MTMR3: variants seen among roughly 807,000 people sequenced by gnomAD.
MTMR3 encodes the protein myotubularin related protein 3.
Under a neutral mutation model 132.4 loss-of-function variants are expected in MTMR3, and 32 were observed. That is an observed-to-expected ratio of 0.24 (90% CI 0.18 to 0.32). The LOEUF is 0.32. MTMR3 is among the 10% of genes least tolerant of loss of function. The pLI is 1.00. For missense variants in MTMR3, 1,216 were observed against 1,489.6 expected (o/e 0.82, Z 3.02); for synonymous variants, 556 against 550.3 (o/e 1.01, Z -0.14).
intron 3 of MTMR3, among the ~76,000 whole-genome samples, chr22:29,973,573 T>C (rs942097425): frequency 1.3e-5 from 2 of 152,234 alleles, no homozygotes; most frequent in African/African-American, 2.4e-5. Flanking sequence ...GTAGGATTAA[T>C]TGACTGGTCA....
chr22:29,921,998 C>T (rs1171348717), intron 1 of MTMR3, among the ~76,000 whole-genome samples: 2 of 151,368 alleles, frequency 1.3e-5, no homozygotes, highest in Non-Finnish European at 2.9e-5. Context: ...TACAAGTATG[C>T]GGCACCACAC....
At chr22:29,946,201 A>G (rs971677948) in intron 1 of MTMR3, among the ~76,000 whole-genome samples, 7 of 152,198 alleles carry the variant, frequency 4.6e-5, no homozygotes, top group Non-Finnish European at 8.8e-5. Flanking sequence ...AATAGAGTCA[A>G]ATGGTTTCTA....
chr22:29,941,944 C>A (rs1413170905), intron 1 of MTMR3, among the ~76,000 whole-genome samples: 1 of 152,142 alleles, frequency 6.6e-6, no homozygotes, highest in African/African-American at 2.4e-5. Context: ...GATTGTGCCA[C>A]TGCACCCCAG....
chr22:29,889,907 CTT>C (rs11399020), intron 1 of MTMR3, among the ~76,000 whole-genome samples: 3 of 124,902 alleles, frequency 2.4e-5, no homozygotes, highest in African/African-American at 3.1e-5. Flanking sequence ...AGGATAAATT[CTT>C]TTTTTTTTTT....
At chr22:30,020,939 C>G in intron 17 of MTMR3, 55 bp downstream of exon 17, 1 of 1,490,956 alleles carries the variant, frequency 6.7e-7, no homozygotes, top group Non-Finnish European at 9.0e-7. Context: ...CATGCTGAGG[C>G]TGGGTGCCCT....
intron 2 of MTMR3, among the ~76,000 whole-genome samples, chr22:29,965,856 GT>G (rs2066405357): frequency 1.3e-5 from 2 of 151,906 alleles, no homozygotes. Context: ...GCTTGTGAGA[GT>G]TTTTTCAGAT....
chr22:29,930,315 C>T (rs1306805894), intron 1 of MTMR3, among the ~76,000 whole-genome samples: 1 of 152,182 alleles, frequency 6.6e-6, no homozygotes, highest in African/African-American at 2.4e-5. Context: ...ATATCTCCAT[C>T]ACTATAGGTT....
At chr22:29,893,151 G>A (rs899096540) in intron 1 of MTMR3, among the ~76,000 whole-genome samples, 2 of 152,196 alleles carry the variant, frequency 1.3e-5, no homozygotes, top group Admixed American at 1.3e-4. Flanking sequence ...ATGTAAATAA[G>A]TTATAGCATT....
chr22:29,993,893 AG>A (rs1170343712), intron 7 of MTMR3: 2 of 152,938 alleles, frequency 1.3e-5, no homozygotes, highest in Non-Finnish European at 2.9e-5. Flanking sequence ...AGGGCATGTG[AG>A]GGGTAAAGTA....
chr22:29,886,013 A>G (rs1260676722), intron 1 of MTMR3, among the ~76,000 whole-genome samples: 4 of 152,254 alleles, frequency 2.6e-5, no homozygotes, highest in African/African-American at 9.6e-5. Context: ...GCTGTCCATT[A>G]GAAGAGCCAG....
intron 7 of MTMR3, chr22:29,993,857 C>G (rs5763681): frequency 1.3e-5 from 2 of 152,262 alleles, no homozygotes; most frequent in Admixed American, 1.3e-4. Flanking sequence ...ACAGTGTTCT[C>G]TGTCTTTTCG....
chr22:30,017,769 CTT>C (rs1424961618), intron 15 of MTMR3, 156 bp from the exon 16 acceptor site: 2 of 844,616 alleles, frequency 2.4e-6, no homozygotes, highest in African/African-American at 3.5e-5. Flanking sequence ...TATTGGTCCT[CTT>C]GGGATAGACC....
chr22:29,930,907 A>G (rs1017698458), intron 1 of MTMR3, among the ~76,000 whole-genome samples: 4 of 147,192 alleles, frequency 2.7e-5, no homozygotes, highest in African/African-American at 1.0e-4. Context: ...CTCAGGAGGT[A>G]GAGTTGGGTG....
chr22:29,940,571 C>CT lies in MTMR3; in HGVS notation c.-137-16455dup, dbSNP rs562388979. 1.2e-4 allele frequency among the ~76,000 whole-genome samples: 17 copies of CT among 147,694 alleles called. 1 individual carries two copies. Among genetic ancestry groups the CT allele is most frequent in the Admixed American group, 4.0e-4 (6 of 15,002 alleles). ...AGTTTGATGGGAGTTGAAACTAGAA[C>CT]TTTTTTTTTTCCTCCTGAATAGGAA... On this transcript the variant is annotated intron_variant, in intron 1 of 19. Transcript: ENST00000401950.
chr22:29,922,558 G>T (rs2065437872), intron 1 of MTMR3, among the ~76,000 whole-genome samples: 1 of 151,972 alleles, frequency 6.6e-6, no homozygotes, highest in South Asian at 2.1e-4. Context: ...TGGACAGTTG[G>T]GTTGCTTCTA....
At chr22:30,012,708 A>C in intron 13 of MTMR3, 145 bp downstream of exon 13, 1 of 851,364 alleles carries the variant, frequency 1.2e-6, no homozygotes, top group South Asian at 2.1e-5. Flanking sequence ...CCATGAGCTA[A>C]ATTGTGGTGG....
At chr22:30,005,723 T>G (rs904751311) in intron 9 of MTMR3, 2 of 152,198 alleles carry the variant, frequency 1.3e-5, no homozygotes, top group Non-Finnish European at 2.9e-5. Context: ...GTGCCAAATT[T>G]AACTTATTTG....
At chr22:29,955,021 A>T (rs1055879253) in intron 1 of MTMR3, among the ~76,000 whole-genome samples, 9 of 152,004 alleles carry the variant, frequency 5.9e-5, no homozygotes, top group Admixed American at 6.6e-5. Context: ...CTAGGGTCTT[A>T]CTTTGTTGGC....
intron 19 of MTMR3, chr22:30,023,561 CCT>C (rs756954019): frequency 1.3e-6 from 2 of 1,545,222 alleles, no homozygotes; most frequent in Non-Finnish European, 1.8e-6. Context: ...ATCATTTCCC[CCT>C]CTCTGCACTT....
Sources: allele counts gnomAD v4.1 joint callset (sites outside exome capture counted in the v4.1 genomes callset), GRCh38; gene constraint gnomAD v4.1.1; transcripts MANE v1.5; gene names NCBI Gene and HGNC (gene_info 2026-07-23, HGNC 2026-07-21).